Variants in RANBP2 observed in about 807,000 individuals in gnomAD.
The protein encoded by RANBP2 is E3 SUMO-protein ligase RanBP2.
A neutral mutation model predicts 303.6 loss-of-function variants in RANBP2; 57 were observed. That is an observed-to-expected ratio of 0.19 (90% CI 0.15 to 0.23). RANBP2 has a LOEUF of 0.23. Among genes scored for constraint, RANBP2 ranks in the 10% least tolerant of loss-of-function variants. RANBP2 has a pLI of 1.00. For missense variants in RANBP2, 3,138 were observed against 3,780.8 expected (o/e 0.83, Z 4.46); for synonymous variants, 1,167 against 1,301.5 (o/e 0.90, Z 2.23).
chr2:108,971,067 C>T, the RANBP2 span, among the ~76,000 whole-genome samples: 16 of 152,190 alleles, frequency 1.1e-4, no homozygotes, highest in East Asian at 7.8e-4. Flanking sequence ...CAGGGTCCGG[C>T]GAGACCGTGC....
chr2:109,321,235 G>A, the RANBP2 span, among the ~76,000 whole-genome samples: 1 of 152,118 alleles, frequency 6.6e-6, no homozygotes, highest in Non-Finnish European at 1.5e-5. Context: ...TTATATCCTC[G>A]GATTCACTTT....
At chr2:108,864,897 G>T in the RANBP2 span, among the ~76,000 whole-genome samples, 1 of 151,768 alleles carries the variant, frequency 6.6e-6, no homozygotes. Flanking sequence ...GGAGTTCAAC[G>T]TTGTACTGAG....
chr2:108,854,699 C>T, the RANBP2 span, among the ~76,000 whole-genome samples: 1 of 152,202 alleles, frequency 6.6e-6, no homozygotes, highest in African/African-American at 2.4e-5. Context: ...GGATATTTGG[C>T]TGGGCTCGGC....
the RANBP2 span, among the ~76,000 whole-genome samples, chr2:109,412,323 C>T: frequency 0.5 from 75,903 of 152,122 alleles, 19,202 homozygotes; most frequent in Middle Eastern, 0.57. Flanking sequence ...GGTGGAGATC[C>T]AAGTGCCGGG....
chr2:109,112,847 C>T, the RANBP2 span, among the ~76,000 whole-genome samples: 3 of 152,196 alleles, frequency 2.0e-5, no homozygotes, highest in Non-Finnish European at 4.4e-5. Flanking sequence ...CAGCTTTCTA[C>T]ATATGGCTAG....
chr2:109,431,133 C>T, the RANBP2 span, among the ~76,000 whole-genome samples: 2,435 of 152,304 alleles, frequency 0.016, 55 homozygotes, highest in African/African-American at 0.054. Context: ...GTTTTCACTT[C>T]TAAGTGGGGT....
the RANBP2 span, among the ~76,000 whole-genome samples, chr2:109,555,154 C>T: frequency 4.6e-5 from 7 of 152,174 alleles, no homozygotes; most frequent in African/African-American, 1.7e-4. Context: ...ACACAGATCT[C>T]ATTATCTTTT....
the RANBP2 span, among the ~76,000 whole-genome samples, chr2:109,484,167 A>T: frequency 6.6e-6 from 1 of 151,190 alleles, no homozygotes; most frequent in Non-Finnish European, 1.5e-5. Flanking sequence ...TCTGGGTTCA[A>T]GCGATTCTCC....
chr2:108,912,727 A>G, the RANBP2 span: 1 of 1,602,906 alleles, frequency 6.2e-7, no homozygotes, highest in Admixed American at 1.7e-5. Flanking sequence ...CCGAGGTGCC[A>G]GGGAAGTTGG....
chr2:109,146,885 T>C, the RANBP2 span, among the ~76,000 whole-genome samples: 158 of 14,372 alleles, frequency 0.011, no homozygotes, highest in East Asian at 0.098. Flanking sequence ...CTTTTTTCCC[T>C]CCCCCCCCCC....
chr2:108,796,614 T>C, the RANBP2 span, among the ~76,000 whole-genome samples: 1 of 152,198 alleles, frequency 6.6e-6, no homozygotes, highest in African/African-American at 2.4e-5. Flanking sequence ...ATGTGGTATC[T>C]ATACACAATG....
Position 108,765,932 on chromosome 2 carries a change from C to T in RANBP2, c.5393C>T (p.Ser1798Phe), listed in dbSNP as rs376248673. 1.9e-6 allele frequency: 3 copies of T among 1,614,166 alleles called. No homozygotes were observed. Among genetic ancestry groups the T allele is most frequent in the Non-Finnish European group, 2.5e-6 (3 of 1,180,000 alleles). The change falls in exon 20 of 29, where the codon TCC becomes TTC. Residue 1798 changes from serine to phenylalanine, a missense_variant. By Grantham distance (155) the Ser-to-Phe change is radical (BLOSUM62 -2). Transcript: ENST00000283195. ...TGCTGTGTACAAAATGAGAGTTCTTCCTTAAAATGTGTGGCTTGTGATGCC... is the reference window on the plus strand; with the variant it reads ...TGCTGTGTACAAAATGAGAGTTCTTTCTTAAAATGTGTGGCTTGTGATGCC... ...SVCCVQNESSSLKCVACDASK... is the reference protein window; with the variant it reads ...SVCCVQNESSFLKCVACDASK...
the RANBP2 span, among the ~76,000 whole-genome samples, chr2:109,397,471 C>CT: frequency 5.9e-5 from 9 of 152,164 alleles, no homozygotes; most frequent in Non-Finnish European, 1.3e-4. Context: ...CTGCTTTATT[C>CT]TTTCAAATCA....
At chr2:109,009,780 C>T in the RANBP2 span, among the ~76,000 whole-genome samples, 7 of 147,696 alleles carry the variant, frequency 4.7e-5, no homozygotes, top group Non-Finnish European at 1.0e-4. Flanking sequence ...GTCTTGGGCT[C>T]AAGCCATTCT....
chr2:109,175,105 C>T, the RANBP2 span, among the ~76,000 whole-genome samples: 3 of 152,220 alleles, frequency 2.0e-5, no homozygotes, highest in East Asian at 5.8e-4. Context: ...TGCATTCATG[C>T]CTACTAGTAG....
At chr2:109,431,148 C>G in the RANBP2 span, among the ~76,000 whole-genome samples, 1 of 152,140 alleles carries the variant, frequency 6.6e-6, no homozygotes, top group Non-Finnish European at 1.5e-5. Flanking sequence ...TGGGGTTCCT[C>G]CAGCATCAGG....
chr2:108,778,268 C>G (rs1254751191), intron 25 of RANBP2, among the ~76,000 whole-genome samples: 1 of 152,176 alleles, frequency 6.6e-6, no homozygotes, highest in Non-Finnish European at 1.5e-5. Flanking sequence ...AAGCCTTATG[C>G]ATTAACATTC....
chr2:109,019,856 A>G, the RANBP2 span, among the ~76,000 whole-genome samples: 1 of 152,138 alleles, frequency 6.6e-6, no homozygotes, highest in Non-Finnish European at 1.5e-5. Context: ...TTTGTTACTG[A>G]GTTTTGGCTC....
At chr2:108,929,271 C>T in the RANBP2 span, 1 of 1,614,176 alleles carries the variant, frequency 6.2e-7, no homozygotes, top group Admixed American at 1.7e-5. Flanking sequence ...CGGAAGAAGC[C>T]CTCACAGTCT....
Sources: allele counts gnomAD v4.1 joint callset (sites outside exome capture counted in the v4.1 genomes callset), GRCh38; gene constraint gnomAD v4.1.1; transcripts MANE v1.5; gene names NCBI Gene and HGNC (gene_info 2026-07-23, HGNC 2026-07-21).